Variants in SESTD1 observed in about 807,000 individuals in gnomAD.
The protein encoded by SESTD1 is SEC14 and spectrin domain containing 1, also known as SEC14 domain and spectrin repeat-containing protein 1.
Under a neutral mutation model 101.7 loss-of-function variants are expected in SESTD1, and 43 were observed. That is an observed-to-expected ratio of 0.42 (90% CI 0.33 to 0.55). The LOEUF is 0.55. Ranked by LOEUF, SESTD1 falls within the 20% of genes least tolerant of loss-of-function variation. The pLI, the probability that SESTD1 is intolerant of heterozygous loss-of-function variation, is 0.07. For synonymous variants in SESTD1, 283 were observed against 286.8 expected (o/e 0.99, Z 0.13); for missense variants, 647 against 815.1 (o/e 0.79, Z 2.51).
chr2:179,192,461 T>C (rs1182878751), intron 1 of SESTD1, among the ~76,000 whole-genome samples: 1 of 152,172 alleles, frequency 6.6e-6, no homozygotes, highest in Non-Finnish European at 1.5e-5. Context: ...TTTGCCCCCA[T>C]TGTTAACTGC....
intron 1 of SESTD1, among the ~76,000 whole-genome samples, chr2:179,252,426 A>G (rs2047331709): frequency 6.6e-6 from 1 of 152,212 alleles, no homozygotes; most frequent in Admixed American, 6.5e-5. Context: ...TTCAAGATCT[A>G]GTAAAAACTA....
chr2:179,166,400 C>T (rs1475313703), intron 5 of SESTD1, among the ~76,000 whole-genome samples: 2 of 152,084 alleles, frequency 1.3e-5, no homozygotes, highest in Admixed American at 1.3e-4. Context: ...GCGGAAAGGA[C>T]TGAAAATCCT....
chr2:179,133,151 A>AG (rs752167066), intron 9 of SESTD1, among the ~76,000 whole-genome samples: 4 of 152,074 alleles, frequency 2.6e-5, no homozygotes, highest in Admixed American at 2.6e-4. Flanking sequence ...CAGCATCAGG[A>AG]GTTCTTCAGC....
intron 11 of SESTD1, among the ~76,000 whole-genome samples, chr2:179,124,115 CAAAAT>C (rs1266950681): frequency 1.3e-5 from 2 of 151,680 alleles, no homozygotes; most frequent in Non-Finnish European, 2.9e-5. Context: ...GAGAAGGAGT[CAAAAT>C]AAAATATTCT....
intron 5 of SESTD1, among the ~76,000 whole-genome samples, chr2:179,155,346 T>C (rs1026252211): frequency 6.6e-6 from 1 of 152,162 alleles, no homozygotes; most frequent in African/African-American, 2.4e-5. Context: ...TATAACTATA[T>C]ATACTAAGAA....
rs1228472929 is a variant in SESTD1, at chr2:179,215,431, T to C, written c.-25-23565A>G. 2.9e-4 allele frequency among the ~76,000 whole-genome samples: 39 copies of C among 133,566 alleles called. 10 individuals carry two copies. The highest frequency in any genetic ancestry group is 2.8e-3 in the Admixed American group (39 of 13,708). 87.6% of individuals were successfully genotyped at this position (133,566 alleles called of 152,430 possible). On this transcript the variant is annotated intron_variant, in intron 1 of 17. Coordinates refer to ENST00000428443, the MANE Select transcript of SESTD1 (RefSeq NM_178123.5). ...CCGGGACACATACACCCTCCCAAGA[T>C]TAAACCAGGGAGAAGTTGAATCTCT...
In SESTD1 at chr2:179,200,014, A is replaced by G. The variant is rs189316161; in HGVS notation, c.-25-8148T>C. Among the ~76,000 whole-genome samples the G allele has an allele frequency of 2.0e-5, 3 of 152,308 alleles. No individual in the cohort carries two copies. In the East Asian group the frequency reaches 5.8e-4, roughly 29 times the overall value. On this transcript the variant is annotated intron_variant, in intron 1 of 17. Coordinates refer to ENST00000428443, the MANE Select transcript of SESTD1 (RefSeq NM_178123.5). Reference sequence around the variant, plus strand: ...CTGTTTGCAGACGACATGATTGTATACCTAGAAAACCCCATTGTCTCAGCC... The same window carrying G: ...CTGTTTGCAGACGACATGATTGTATGCCTAGAAAACCCCATTGTCTCAGCC...
At chr2:179,124,165 G>C (rs1428919933) in intron 11 of SESTD1, among the ~76,000 whole-genome samples, 199 bp downstream of exon 11, 1 of 151,790 alleles carries the variant, frequency 6.6e-6, no homozygotes, top group Non-Finnish European at 1.5e-5. Flanking sequence ...ACAATAAAAG[G>C]TTGAATTGCA....
intron 1 of SESTD1, among the ~76,000 whole-genome samples, chr2:179,198,023 TAA>T (rs1466141782): frequency 6.6e-6 from 1 of 152,136 alleles, no homozygotes; most frequent in African/African-American, 2.4e-5. Flanking sequence ...GCAAACTGGA[TAA>T]AGAGTCAAGA....
At chr2:179,254,785 T>C (rs747026231) in intron 1 of SESTD1, among the ~76,000 whole-genome samples, 6 of 152,248 alleles carry the variant, frequency 3.9e-5, no homozygotes, top group Non-Finnish European at 5.9e-5. Context: ...TATCTCACTT[T>C]AATACACTTT....
chr2:179,253,283 T>A (rs1281819868), intron 1 of SESTD1, among the ~76,000 whole-genome samples: 1 of 151,782 alleles, frequency 6.6e-6, no homozygotes, highest in Non-Finnish European at 1.5e-5. Flanking sequence ...TAAGGAGAAA[T>A]GACAACTAAA....
intron 1 of SESTD1, among the ~76,000 whole-genome samples, chr2:179,256,002 TTA>T (rs2047387670): frequency 6.6e-6 from 1 of 152,104 alleles, no homozygotes; most frequent in Admixed American, 6.5e-5. Flanking sequence ...AAGCCTACTA[TTA>T]AGACCTGCTG....
intron 5 of SESTD1, among the ~76,000 whole-genome samples, chr2:179,160,820 A>T (rs1249556643): frequency 6.6e-6 from 1 of 152,072 alleles, no homozygotes; most frequent in Non-Finnish European, 1.5e-5. Flanking sequence ...TTTTTGCAGA[A>T]CATAATGAAG....
chr2:179,219,672 GATA>G (rs1463880082), intron 1 of SESTD1, among the ~76,000 whole-genome samples: 1 of 152,110 alleles, frequency 6.6e-6, no homozygotes, highest in Non-Finnish European at 1.5e-5. Context: ...TCAACTTTAG[GATA>G]ATAAATTGGT....
At chr2:179,234,563 G>C (rs1016487893) in intron 1 of SESTD1, among the ~76,000 whole-genome samples, 2 of 152,022 alleles carry the variant, frequency 1.3e-5, no homozygotes, top group Admixed American at 6.6e-5. Flanking sequence ...AGATCACTTG[G>C]GGTCAGGAGT....
At chr2:179,229,356 T>C (rs1262890643) in intron 1 of SESTD1, among the ~76,000 whole-genome samples, 1 of 152,062 alleles carries the variant, frequency 6.6e-6, no homozygotes, top group East Asian at 1.9e-4. Context: ...AAACATCAGT[T>C]TTCTCCTACC....
At chr2:179,139,363 AC>A (rs2045225999) in intron 9 of SESTD1, among the ~76,000 whole-genome samples, 1 of 152,114 alleles carries the variant, frequency 6.6e-6, no homozygotes, top group Non-Finnish European at 1.5e-5. Context: ...CATACAGAGC[AC>A]CTCTGGACTC....
chr2:179,111,780 C>A (rs1219334522), intron 17 of SESTD1, among the ~76,000 whole-genome samples: 1 of 146,458 alleles, frequency 6.8e-6, no homozygotes, highest in Non-Finnish European at 1.5e-5. Flanking sequence ...AGCGCAGTGG[C>A]GTGATCTCGG....
intron 1 of SESTD1, among the ~76,000 whole-genome samples, chr2:179,214,486 T>C (rs910818196): frequency 7.5e-6 from 1 of 134,142 alleles, no homozygotes; most frequent in African/African-American, 3.0e-5. Context: ...CCCAGATTCA[T>C]AAAGCAAATC....
Sources: allele counts gnomAD v4.1 joint callset (sites outside exome capture counted in the v4.1 genomes callset), GRCh38; gene constraint gnomAD v4.1.1; transcripts MANE v1.5; gene names NCBI Gene and HGNC (gene_info 2026-07-23, HGNC 2026-07-21).